R3HDM1: variants seen among roughly 807,000 people sequenced by gnomAD.
R3HDM1 encodes R3H domain-containing protein 1.
R3HDM1 carries 46 observed loss-of-function variants against 141.1 expected under a neutral mutation model. The observed-to-expected ratio is 0.33, with a 90% CI of 0.26 to 0.42. The LOEUF (loss-of-function observed/expected upper bound fraction) is 0.42, where lower values mean the gene tolerates loss of function less well. Among genes scored for constraint, R3HDM1 ranks in the 10% least tolerant of loss-of-function variants. The pLI is 1.00. For missense variants in R3HDM1, 1,184 were observed against 1,368.3 expected (o/e 0.87, Z 2.12); for synonymous variants, 435 against 472.9 (o/e 0.92, Z 1.04).
chr2:135,536,821 C>T, intron 1 of R3HDM1: 4 of 604,908 alleles, frequency 6.6e-6, no homozygotes, highest in Non-Finnish European at 8.3e-6. Context: ...TGAGCTCTGC[C>T]TCCTGTCAGA....
intron 1 of R3HDM1, chr2:135,559,123 G>A: frequency 2.2e-6 from 2 of 893,586 alleles, no homozygotes; most frequent in African/African-American, 3.7e-5. Context: ...TTTTGTTGTT[G>A]TTGTCGGAGA....
intron 1 of R3HDM1, among the ~76,000 whole-genome samples, chr2:135,557,399 A>G (rs774828295): frequency 6.6e-6 from 1 of 152,164 alleles, no homozygotes; most frequent in Non-Finnish European, 1.5e-5. Context: ...ATTGTAAGTG[A>G]TACAAATCCA....
chr2:135,619,021 CAAAA>C (rs34537777), intron 5 of R3HDM1, among the ~76,000 whole-genome samples: 4 of 112,282 alleles, frequency 3.6e-5, no homozygotes, highest in Middle Eastern at 5.8e-3. Context: ...ACTCTTATCT[CAAAA>C]AAAAAAAAAA....
intron 19 of R3HDM1, among the ~76,000 whole-genome samples, chr2:135,664,473 T>C (rs999789241): frequency 4.6e-5 from 7 of 152,210 alleles, no homozygotes; most frequent in Non-Finnish European, 1.0e-4. Flanking sequence ...AGTTTGTATT[T>C]GAACTTAAAG....
At chr2:135,580,408 C>T (rs1706541610) in intron 1 of R3HDM1, among the ~76,000 whole-genome samples, 1 of 152,204 alleles carries the variant, frequency 6.6e-6, no homozygotes, top group Non-Finnish European at 1.5e-5. Context: ...AATAGAGTCA[C>T]AAGAGATACT....
intron 10 of R3HDM1, 44 bp from the exon 11 acceptor site, chr2:135,636,044 A>G (rs760468369): frequency 1.2e-5 from 19 of 1,610,870 alleles, no homozygotes; most frequent in Non-Finnish European, 1.6e-5. Context: ...AAGACATACT[A>G]TACCAGTAGT....
chr2:135,659,957 C>A (rs1397391510), intron 18 of R3HDM1, among the ~76,000 whole-genome samples: 1 of 152,068 alleles, frequency 6.6e-6, no homozygotes, highest in Admixed American at 6.6e-5. Context: ...TAGGGGGCCA[C>A]CATCATATAT....
At chr2:135,569,795 C>T (rs1224911801) in intron 1 of R3HDM1, among the ~76,000 whole-genome samples, 1 of 148,060 alleles carries the variant, frequency 6.8e-6, no homozygotes, top group African/African-American at 2.6e-5. Context: ...GGCACAGTCT[C>T]GGCTCACTGC....
At chr2:135,581,982 T>C (rs6739282) in intron 1 of R3HDM1, among the ~76,000 whole-genome samples, 14,193 of 152,256 alleles carry the variant, frequency 0.093, 911 homozygotes, top group South Asian at 0.31. Flanking sequence ...AATGAGATAA[T>C]AGATGAGTGC....
At chr2:135,572,069 C>G (rs1017351229) in intron 1 of R3HDM1, among the ~76,000 whole-genome samples, 3 of 152,176 alleles carry the variant, frequency 2.0e-5, no homozygotes, top group Non-Finnish European at 1.5e-5. Flanking sequence ...AATTCTCCTG[C>G]CTTGGCTTCT....
intron 21 of R3HDM1, among the ~76,000 whole-genome samples, chr2:135,700,165 A>G (rs1334799299): frequency 6.6e-6 from 1 of 150,760 alleles, no homozygotes; most frequent in Non-Finnish European, 1.5e-5. Context: ...ATCCAAATAA[A>G]AAGATGCAAA....
At chr2:135,703,594 T>C (rs2074517060) in intron 21 of R3HDM1, among the ~76,000 whole-genome samples, 1 of 152,166 alleles carries the variant, frequency 6.6e-6, no homozygotes, top group South Asian at 2.1e-4. Context: ...CACTCCCTTT[T>C]TTTAATACTT....
intron 1 of R3HDM1, among the ~76,000 whole-genome samples, chr2:135,582,299 C>T (rs1193131670): frequency 6.6e-6 from 1 of 152,094 alleles, no homozygotes; most frequent in Non-Finnish European, 1.5e-5. Flanking sequence ...CCATTGCACT[C>T]CAGCCTGGGC....
chr2:135,626,155 C>CTGT (rs2061997237), intron 7 of R3HDM1, among the ~76,000 whole-genome samples: 1 of 151,822 alleles, frequency 6.6e-6, no homozygotes, highest in Non-Finnish European at 1.5e-5. Flanking sequence ...GGACACCCAG[C>CTGT]TGTTGTCCAC....
intron 21 of R3HDM1, among the ~76,000 whole-genome samples, chr2:135,697,567 A>G (rs2073443071): frequency 6.6e-6 from 1 of 152,266 alleles, no homozygotes; most frequent in Admixed American, 6.5e-5. Context: ...ACTACTATAC[A>G]ACAAAGAAAA....
intron 1 of R3HDM1, among the ~76,000 whole-genome samples, chr2:135,589,689 TAATA>T (rs1708782715): frequency 6.6e-6 from 1 of 152,126 alleles, no homozygotes; most frequent in Admixed American, 6.6e-5. Context: ...CAAGTTTATA[TAATA>T]AATATATGTT....
At chr2:135,622,536 A>G in intron 6 of R3HDM1, 118 bp from the exon 7 acceptor site, 2 of 1,350,238 alleles carry the variant, frequency 1.5e-6, no homozygotes, top group Non-Finnish European at 1.9e-6. Context: ...ACTTTGTCGA[A>G]TTTTTTTCAA....
At chr2:135,620,328 C>T (rs915699421) in intron 5 of R3HDM1, 9 of 888,452 alleles carry the variant, frequency 1.0e-5, no homozygotes, top group Non-Finnish European at 1.2e-5. Context: ...ACCTGTTTTA[C>T]AGTTATGAAA....
intron 1 of R3HDM1, chr2:135,583,768 A>G: frequency 1.0e-6 from 1 of 985,462 alleles, no homozygotes. Flanking sequence ...TGAGATCTTT[A>G]AAAAGTTCCG....
Sources: gnomAD v4.1 joint callset for allele counts (sites outside exome capture counted in the v4.1 genomes callset) on GRCh38, gnomAD v4.1.1 for gene constraint, MANE v1.5 for transcripts, NCBI Gene and HGNC (gene_info 2026-07-23, HGNC 2026-07-21) for gene names.